PARD3B: variants seen among roughly 807,000 people sequenced by gnomAD.
PARD3B encodes the protein par-3 family cell polarity regulator beta.
PARD3B carries 103 observed loss-of-function variants against 130.2 expected under a neutral mutation model. The observed-to-expected ratio is 0.79, with a 90% confidence interval of 0.67 to 0.93. The LOEUF (loss-of-function observed/expected upper bound fraction) is 0.93. PARD3B is among the 40% of genes least tolerant of loss of function. The pLI, the probability that PARD3B is intolerant of heterozygous loss-of-function variation, is 0.00. For missense variants in PARD3B, 1,609 were observed against 1,499.2 expected (o/e 1.07, Z -1.21); for synonymous variants, 583 against 553.2 (o/e 1.05, Z -0.76).
intron 2 of PARD3B, among the ~76,000 whole-genome samples, chr2:204,941,064 A>G (rs2125801669): frequency 6.6e-6 from 1 of 152,354 alleles, no homozygotes; most frequent in African/African-American, 2.4e-5. Context: ...ACATCCTAGT[A>G]ATTGATAAAC....
intron 1 of PARD3B, among the ~76,000 whole-genome samples, chr2:204,584,633 A>C (rs1288869263): frequency 6.6e-6 from 1 of 152,182 alleles, no homozygotes; most frequent in African/African-American, 2.4e-5. Flanking sequence ...CTACTCCTAG[A>C]CATTCTTATT....
chr2:205,053,802 A>G (rs1016265047), intron 4 of PARD3B, among the ~76,000 whole-genome samples: 1 of 151,894 alleles, frequency 6.6e-6, no homozygotes, highest in African/African-American at 2.4e-5. Flanking sequence ...TGTTTTCCAA[A>G]GAGGAGAGAT....
rs997006712 is a variant in PARD3B, at chr2:205,142,147, T to G, written c.1434+16410T>G. On this transcript the variant is annotated intron_variant, in intron 10 of 22. Coordinates refer to ENST00000406610, the MANE Select transcript of PARD3B (RefSeq NM_001302769.2). The surrounding 1 kb of genome is among the most constrained non-coding windows in gnomAD (Gnocchi z 4.3). ...GTATAGAGTGTTTTGAAGACCTAGA[T>G]GAGAGCCACAAACAGCAGGTGACAA... Among the ~76,000 whole-genome samples the G allele has an allele frequency of 6.6e-6, 1 of 152,142 alleles. No individual in the cohort carries two copies. The highest frequency in any genetic ancestry group is 2.4e-5 in the African/African-American group (1 of 41,414).
intron 20 of PARD3B, among the ~76,000 whole-genome samples, chr2:205,471,186 T>A (rs1471096597): frequency 3.3e-5 from 5 of 152,104 alleles, no homozygotes; most frequent in Non-Finnish European, 5.9e-5. Flanking sequence ...GTATTGTAGA[T>A]CCATAGGTAG....
chr2:204,829,217 T>C (rs7579299), intron 2 of PARD3B, among the ~76,000 whole-genome samples: 1,885 of 152,338 alleles, frequency 0.012, 42 homozygotes, highest in African/African-American at 0.044. Context: ...GTAAATTCTA[T>C]AAGTTCATAG....
chr2:205,247,003 A>G (rs1428337826), intron 16 of PARD3B, among the ~76,000 whole-genome samples: 1 of 152,220 alleles, frequency 6.6e-6, no homozygotes, highest in Non-Finnish European at 1.5e-5. Flanking sequence ...TCTCATGACC[A>G]GGGAACCCCA....
chr2:205,321,292 T>C lies in PARD3B; in HGVS notation c.2630+19591T>C, dbSNP rs904362044. ...ATTCATTTTCTTATTTATGTCTTTT[T>C]AACCTCAAAACTTAGATTTTTTTAA... is the stretch of plus-strand genomic sequence containing the variant. On this transcript the variant is annotated intron_variant, in intron 18 of 22. Coordinates refer to ENST00000406610, the MANE Select transcript of PARD3B (RefSeq NM_001302769.2). The surrounding 1 kb of genome is among the most constrained non-coding windows in gnomAD (Gnocchi z 4.2). Among the ~76,000 whole-genome samples, 1 of 152,222 alleles carries C rather than the reference T, an allele frequency of 6.6e-6. No individual in the cohort carries two copies. Among genetic ancestry groups the C allele is most frequent in the African/African-American group, 2.4e-5 (1 of 41,464 alleles).
intron 2 of PARD3B, among the ~76,000 whole-genome samples, chr2:204,820,341 T>C (rs1559171154): frequency 6.6e-6 from 1 of 151,112 alleles, no homozygotes; most frequent in East Asian, 2.0e-4. Context: ...CCTCCCAAAG[T>C]GCTGGGATTA....
chr2:205,444,790 TAAAAC>T (rs1267924368), intron 20 of PARD3B, among the ~76,000 whole-genome samples: 6 of 152,132 alleles, frequency 3.9e-5, no homozygotes, highest in African/African-American at 1.2e-4. Context: ...AACTTTAACT[TAAAAC>T]AAAGACAAAG....
chr2:205,289,683 G>A (rs1047355458), intron 16 of PARD3B, among the ~76,000 whole-genome samples: 1 of 152,142 alleles, frequency 6.6e-6, no homozygotes, highest in Admixed American at 6.5e-5. Flanking sequence ...TGAGTCATGA[G>A]GCCTCTGCCA....
intron 18 of PARD3B, among the ~76,000 whole-genome samples, chr2:205,399,237 T>C (rs2046151912): frequency 6.6e-6 from 1 of 151,850 alleles, no homozygotes; most frequent in African/African-American, 2.4e-5. Context: ...GCCATGGCAC[T>C]CCAGCCTGGG....
chr2:205,002,217 G>A (rs549788079), intron 3 of PARD3B, among the ~76,000 whole-genome samples: 30 of 152,200 alleles, frequency 2.0e-4, no homozygotes, highest in Non-Finnish European at 3.8e-4. Context: ...AGTTTTGGCC[G>A]TCTCTCAAAC....
At position 205,530,181 on chromosome 2, in the gene PARD3B, T is replaced by C. The variant is rs2051526319; in HGVS notation, c.3181-23143T>C. Among the ~76,000 whole-genome samples, 1 of 152,154 alleles carries C rather than the reference T, an allele frequency of 6.6e-6. No homozygotes were observed. The highest frequency in any genetic ancestry group is 1.5e-5 in the Non-Finnish European group (1 of 68,022). On this transcript the variant is annotated intron_variant, in intron 21 of 22. Coordinates refer to ENST00000406610, the MANE Select transcript of PARD3B (RefSeq NM_001302769.2). The surrounding 1 kb of genome is among the most constrained non-coding windows in gnomAD (Gnocchi z 4.7). ...AACCTTACAGCTGCAACTCGTGAAA[T>C]AGTAAACCAAAAGTTCTCTCCGCCA...
intron 21 of PARD3B, among the ~76,000 whole-genome samples, chr2:205,543,279 C>T (rs938703401): frequency 6.6e-6 from 1 of 151,946 alleles, no homozygotes; most frequent in Admixed American, 6.6e-5. Context: ...ATTTTTATAA[C>T]ACATATCTCC....
intron 2 of PARD3B, among the ~76,000 whole-genome samples, chr2:204,831,389 G>A (rs2043812207): frequency 6.6e-6 from 1 of 152,160 alleles, no homozygotes; most frequent in African/African-American, 2.4e-5. Flanking sequence ...ATAAAAACTT[G>A]CAGAAACTCA....
chr2:205,353,497 T>A (rs2044068277), intron 18 of PARD3B, among the ~76,000 whole-genome samples: 1 of 152,172 alleles, frequency 6.6e-6, no homozygotes, highest in Admixed American at 6.5e-5. Context: ...GTAAATTCCT[T>A]AAAAAATGAC....
chr2:204,870,641 A>T (rs917501673), intron 2 of PARD3B, among the ~76,000 whole-genome samples: 5 of 152,182 alleles, frequency 3.3e-5, no homozygotes, highest in African/African-American at 1.2e-4. Flanking sequence ...AAGAGTTTGC[A>T]AGAAGAGCAA....
At chr2:205,070,679 A>C (rs1377030092) in intron 4 of PARD3B, among the ~76,000 whole-genome samples, 1 of 152,148 alleles carries the variant, frequency 6.6e-6, no homozygotes, top group Non-Finnish European at 1.5e-5. Flanking sequence ...GTTTTTCGCC[A>C]TTAGTAACCT....
intron 2 of PARD3B, among the ~76,000 whole-genome samples, chr2:204,955,225 G>T (rs1042235598): frequency 6.6e-6 from 1 of 152,160 alleles, no homozygotes; most frequent in African/African-American, 2.4e-5. Flanking sequence ...AACTAGGTCT[G>T]TTAATGCACA....
Sources: gnomAD v4.1 joint callset for allele counts (sites outside exome capture counted in the v4.1 genomes callset) on GRCh38, gnomAD v4.1.1 for gene constraint, Gnocchi (gnomAD v3.1) non-coding constraint, MANE v1.5 for transcripts, NCBI Gene and HGNC (gene_info 2026-07-23, HGNC 2026-07-21) for gene names.